Variants in SNX2 observed in about 807,000 individuals in gnomAD.
SNX2 encodes the protein sorting nexin 2, also known as sorting nexin-2.
A neutral mutation model predicts 69.9 loss-of-function variants in SNX2; 25 were observed. That is an observed-to-expected ratio of 0.36 (90% CI 0.26 to 0.50). The LOEUF (loss-of-function observed/expected upper bound fraction) is 0.50, where lower values mean the gene tolerates loss of function less well. Among genes scored for constraint, SNX2 ranks in the 20% least tolerant of loss-of-function variants. The pLI is 0.97. For synonymous variants in SNX2, 229 were observed against 200.4 expected (o/e 1.14, Z -1.20); for missense variants, 551 against 613.3 (o/e 0.90, Z 1.07).
chr5:122,780,571 C>CTTTTTT (rs761877253), intron 1 of SNX2, among the ~76,000 whole-genome samples: 1 of 133,336 alleles, frequency 7.5e-6, no homozygotes. Context: ...CTTTTCTTTT[C>CTTTTTT]TTTTCTTTTT....
At chr5:122,802,033 T>C (rs1753527949) in intron 4 of SNX2, 48 bp from the exon 5 acceptor site, 1 of 1,572,694 alleles carries the variant, frequency 6.4e-7, no homozygotes, top group Middle Eastern at 1.7e-4. Flanking sequence ...AAATGAGTTT[T>C]ATTTTTATGC....
Position 122,818,828 on chromosome 5 carries a change from C to T in SNX2, c.1017C>T (p.Ala339=), listed in dbSNP as rs1347002501. 1.9e-6 allele frequency: 3 copies of T among 1,611,196 alleles called. No homozygotes were observed. The highest frequency in any genetic ancestry group is 2.5e-6 in the Non-Finnish European group (3 of 1,178,886). Residue 339 remains alanine, a synonymous_variant, in exon 11 of 15, where the codon GCC becomes GCT. Transcript: ENST00000379516. ...TTTTTTAAATTTCAGAACTTTCAGCCAACACAGCTGCCTTTGCTAAAAGTG... is the reference window on the plus strand; with the variant it reads ...TTTTTTAAATTTCAGAACTTTCAGCTAACACAGCTGCCTTTGCTAAAAGTG... ...ALVCHRKELS[A]NTAAFAKSAA...
intron 2 of SNX2, among the ~76,000 whole-genome samples, chr5:122,797,528 C>A (rs1467208553): frequency 6.6e-6 from 1 of 152,190 alleles, no homozygotes; most frequent in East Asian, 1.9e-4. Flanking sequence ...TACATTTTAA[C>A]AGGTGTAGCA....
intron 11 of SNX2, among the ~76,000 whole-genome samples, chr5:122,823,169 T>TAATG (rs35671245): frequency 0.35 from 53,766 of 151,752 alleles, 10,144 homozygotes; most frequent in African/African-American, 0.46. Flanking sequence ...ATCCCTCTTA[T>TAATG]AATGGTTCTA....
intron 1 of SNX2, among the ~76,000 whole-genome samples, chr5:122,791,272 C>A (rs550822344): frequency 1.3e-5 from 2 of 151,678 alleles, no homozygotes; most frequent in Non-Finnish European, 2.9e-5. Flanking sequence ...TACAGACATG[C>A]GCCACCATGC....
chr5:122,784,281 A>G (rs1374068682), intron 1 of SNX2, among the ~76,000 whole-genome samples: 1 of 150,376 alleles, frequency 6.6e-6, no homozygotes, highest in Non-Finnish European at 1.5e-5. Flanking sequence ...AAGTGGTGAT[A>G]GTGAATATTC....
intron 6 of SNX2, 41 bp downstream of exon 6, chr5:122,803,654 A>T (rs565799390): frequency 1.3e-6 from 2 of 1,507,348 alleles, no homozygotes; most frequent in African/African-American, 2.8e-5. Flanking sequence ...TGTTACTGTT[A>T]CTAGTTCAGT....
rs532252389 is a variant in SNX2, at chr5:122,809,291, A to G, written c.722+936A>G. Among the ~76,000 whole-genome samples the G allele has an allele frequency of 3.9e-5, 6 of 152,272 alleles. No individual in the cohort carries two copies. The East Asian group carries it at 1.2e-3, about 29-fold the overall frequency. Reference sequence around the variant, plus strand: ...ATTTGCAGATTTTGGTATCCATAGGATGTCCTGGAACCAGTCCCCCACTGG... The same window carrying G: ...ATTTGCAGATTTTGGTATCCATAGGGTGTCCTGGAACCAGTCCCCCACTGG... On this transcript the variant is annotated intron_variant, in intron 7 of 14. Coordinates refer to ENST00000379516, the MANE Select transcript of SNX2 (RefSeq NM_003100.4).
intron 1 of SNX2, among the ~76,000 whole-genome samples, chr5:122,777,681 T>C (rs1290242923): frequency 6.6e-6 from 1 of 152,238 alleles, no homozygotes; most frequent in Non-Finnish European, 1.5e-5. Context: ...TGTACACTTA[T>C]GTGTATATTT....
intron 1 of SNX2, among the ~76,000 whole-genome samples, chr5:122,778,536 T>A (rs978669123): frequency 4.6e-5 from 7 of 152,122 alleles, no homozygotes; most frequent in Non-Finnish European, 1.0e-4. Context: ...TGAGACAGAG[T>A]CTCGCTCTGT....
At chr5:122,804,468 T>A (rs1368850309) in intron 6 of SNX2, among the ~76,000 whole-genome samples, 2 of 150,746 alleles carry the variant, frequency 1.3e-5, no homozygotes, top group Admixed American at 1.3e-4. Context: ...TGGGTTTAAG[T>A]GATTCCCCTG....
At chr5:122,793,370 A>G (rs1753288315) in intron 1 of SNX2, among the ~76,000 whole-genome samples, 1 of 152,172 alleles carries the variant, frequency 6.6e-6, no homozygotes, top group African/African-American at 2.4e-5. Context: ...ACCAAACACA[A>G]AAAATAAGTA....
At chr5:122,789,884 A>G (rs1163857857) in intron 1 of SNX2, among the ~76,000 whole-genome samples, 1 of 152,160 alleles carries the variant, frequency 6.6e-6, no homozygotes. Context: ...TTTTAATTTT[A>G]TCTATAGGCT....
At chr5:122,790,438 A>G (rs1303094486) in intron 1 of SNX2, among the ~76,000 whole-genome samples, 3 of 152,234 alleles carry the variant, frequency 2.0e-5, no homozygotes, top group East Asian at 3.9e-4. Context: ...ATCCACTTCT[A>G]AGCTCACTCT....
At chr5:122,810,803 A>G (rs1388013856) in intron 7 of SNX2, among the ~76,000 whole-genome samples, 1 of 152,222 alleles carries the variant, frequency 6.6e-6, no homozygotes, top group Non-Finnish European at 1.5e-5. Context: ...AAGAAACAGT[A>G]TAGTATGAGG....
chr5:122,827,467 T>TA lies in SNX2; in HGVS notation c.1437+10dup. 1 of 1,612,204 alleles carries TA rather than the reference T, an allele frequency of 6.2e-7. No individual in the cohort carries two copies. ...GAAGTGGGAAGATTTGAGGCATGTA[T>TA]AATAATTTTGCATTTATCTTAACAA... On this transcript the variant is annotated intron_variant, in intron 13 of 14. Transcript: ENST00000379516.
intron 7 of SNX2, among the ~76,000 whole-genome samples, chr5:122,809,471 A>G (rs1242304890): frequency 6.6e-6 from 1 of 152,244 alleles, no homozygotes; most frequent in African/African-American, 2.4e-5. Context: ...CCACACTTCC[A>G]TAATCTTAGA....
intron 12 of SNX2, 44 bp from the exon 13 acceptor site, chr5:122,827,335 C>A: frequency 6.6e-7 from 1 of 1,526,358 alleles, no homozygotes; most frequent in Non-Finnish European, 9.1e-7. Flanking sequence ...CAGTACTATA[C>A]TTTTTTTTGA....
intron 1 of SNX2, among the ~76,000 whole-genome samples, chr5:122,780,188 A>T (rs2149999668): frequency 6.6e-6 from 1 of 152,312 alleles, no homozygotes; most frequent in African/African-American, 2.4e-5. Flanking sequence ...TCTTAAACTT[A>T]TTGAAAACAC....
Sources: gnomAD v4.1 joint callset for allele counts (sites outside exome capture counted in the v4.1 genomes callset) on GRCh38, gnomAD v4.1.1 for gene constraint, MANE v1.5 for transcripts, NCBI Gene and HGNC (gene_info 2026-07-23, HGNC 2026-07-21) for gene names.